Variants in MYO5A observed in about 807,000 individuals in gnomAD.
The protein encoded by MYO5A is unconventional myosin-Va.
Under a neutral mutation model 249.7 loss-of-function variants are expected in MYO5A, and 98 were observed. The ratio of observed to expected loss-of-function variants is 0.39; its 90% confidence interval spans 0.33 to 0.46. The LOEUF is 0.46. MYO5A is among the 20% of genes least tolerant of loss of function. MYO5A has a pLI of 0.98. For synonymous variants in MYO5A, 778 were observed against 810.6 expected (o/e 0.96, Z 0.68); for missense variants, 1,696 against 2,308.8 (o/e 0.73, Z 5.44).
chr15:52,416,555 C>T (rs906453299), intron 4 of MYO5A, among the ~76,000 whole-genome samples: 4 of 151,684 alleles, frequency 2.6e-5, no homozygotes, highest in Admixed American at 2.6e-4. Context: ...TTTAGGTGCA[C>T]CAGCCCAGTC....
At chr15:52,368,399 T>G (rs2040922154) in intron 22 of MYO5A, among the ~76,000 whole-genome samples, 2 of 152,174 alleles carry the variant, frequency 1.3e-5, no homozygotes, top group Non-Finnish European at 2.9e-5. Context: ...CAAAATAATG[T>G]GCCTAGCCCA....
At position 52,313,510 on chromosome 15, in the gene MYO5A, C is replaced by G. The variant is rs1351145147; in HGVS notation, c.*186G>C. 4.0e-6 allele frequency: 3 copies of G among 749,858 alleles called. No individual in the cohort carries two copies. The highest frequency in any genetic ancestry group is 6.5e-6 in the Non-Finnish European group (3 of 459,430). 46.5% of individuals were successfully genotyped at this position (749,858 alleles called of 1,614,324 possible). A position where few individuals can be genotyped will look rare whatever the true frequency, so the allele number is the denominator to read the frequency against. On this transcript the variant is annotated 3_prime_UTR_variant, in exon 42 of 42. Transcript: ENST00000399233. ...GTGTTGCTATAAAGATAACACAGCA[C>G]GAAAGAGCCTATCTTTGTTTCCAAA... is the stretch of plus-strand genomic sequence containing the variant.
intron 1 of MYO5A, among the ~76,000 whole-genome samples, chr15:52,445,038 G>C (rs900776722): frequency 6.6e-6 from 1 of 151,418 alleles, no homozygotes; most frequent in African/African-American, 2.4e-5. Flanking sequence ...CCCAGCTTTG[G>C]GAATCGACAC....
Position 52,408,418 on chromosome 15 carries a change from A to G in MYO5A, c.757-278T>C, listed in dbSNP as rs17707651. On this transcript the variant is annotated intron_variant, in intron 6 of 41. Transcript: ENST00000399233. The stretch of plus-strand genomic sequence containing the variant: ...CTTGATATATGTCAACAATCATAAG[A>G]TAATCAGTGCTTTTGGGGGAAACTA... Among the ~76,000 whole-genome samples, 22,831 of 151,048 alleles carry G rather than the reference A, an allele frequency of 0.15. 1,815 individuals are homozygous for G. Among genetic ancestry groups the G allele is most frequent in the Middle Eastern group, 0.22 (65 of 292 alleles).
chr15:52,468,226 G>C (rs2076390253), intron 1 of MYO5A, among the ~76,000 whole-genome samples: 1 of 152,126 alleles, frequency 6.6e-6, no homozygotes, highest in African/African-American at 2.4e-5. Flanking sequence ...CACCCGAGCT[G>C]GGAAGGCAGA....
At chr15:52,435,680 A>C (rs1307089622) in intron 1 of MYO5A, 3 of 455,114 alleles carry the variant, frequency 6.6e-6, no homozygotes, top group Non-Finnish European at 1.3e-5. Flanking sequence ...TGGCTGGTAA[A>C]ATTTTTTACT....
chr15:52,364,797 A>G (rs2040732038), intron 23 of MYO5A, 95 bp from the exon 24 acceptor site: 1 of 1,457,814 alleles, frequency 6.9e-7, no homozygotes, highest in South Asian at 1.2e-5. Context: ...TCTGTAGGCA[A>G]TTTTACTTTT....
chr15:52,331,726 G>A (rs1471783622), intron 34 of MYO5A: 2 of 985,310 alleles, frequency 2.0e-6, no homozygotes, highest in African/African-American at 3.5e-5. Flanking sequence ...TATGTGGCAT[G>A]GAGCCTGGTG....
intron 3 of MYO5A, among the ~76,000 whole-genome samples, 195 bp from the exon 4 acceptor site, chr15:52,426,169 T>TA (rs1225343074): frequency 2.0e-5 from 3 of 152,192 alleles, no homozygotes; most frequent in Non-Finnish European, 2.9e-5. Context: ...TAGTTCTGCC[T>TA]AAAACACCAT....
chr15:52,406,343 C>A (rs761661074), intron 8 of MYO5A, among the ~76,000 whole-genome samples: 11 of 152,186 alleles, frequency 7.2e-5, no homozygotes, highest in Admixed American at 4.6e-4. Flanking sequence ...CAGCTCACTG[C>A]AAACTTTGTA....
intron 22 of MYO5A, among the ~76,000 whole-genome samples, chr15:52,368,489 T>C (rs7176639): frequency 0.49 from 73,822 of 152,086 alleles, 21,484 homozygotes; most frequent in Non-Finnish European, 0.63. Flanking sequence ...TTAGGAACCA[T>C]ACATAACTCT....
upstream of MYO5A, chr15:52,528,900 C>G (rs375573111): frequency 3.2e-6 from 4 of 1,241,296 alleles, no homozygotes; most frequent in Non-Finnish European, 4.1e-6. Flanking sequence ...CCGCAGCCGC[C>G]GGCAGGGAGC....
At chr15:52,339,707 C>T (rs2039291351) in intron 32 of MYO5A, among the ~76,000 whole-genome samples, 1 of 152,192 alleles carries the variant, frequency 6.6e-6, no homozygotes, top group Non-Finnish European at 1.5e-5. Context: ...CTCCATCCAA[C>T]ATCAACCAAA....
intron 9 of MYO5A, among the ~76,000 whole-genome samples, chr15:52,401,750 TTCTC>T (rs920420236): frequency 4.6e-5 from 7 of 152,324 alleles, no homozygotes; most frequent in East Asian, 1.9e-4. Context: ...GTCTGCTTCA[TTCTC>T]TCTCTTCTCT....
chr15:52,453,805 TATATCTATAAG>T (rs1212914693), intron 1 of MYO5A, among the ~76,000 whole-genome samples: 1 of 152,016 alleles, frequency 6.6e-6, no homozygotes, highest in African/African-American at 2.4e-5. Flanking sequence ...CATAACTTAT[TATATCTATAAG>T]ATGTTTTCTA....
intron 9 of MYO5A, among the ~76,000 whole-genome samples, chr15:52,399,795 T>C (rs940967): frequency 0.21 from 31,735 of 152,094 alleles, 3,678 homozygotes; most frequent in African/African-American, 0.3. Context: ...AGCTGCCAAT[T>C]GGTTGTTTTT....
intron 6 of MYO5A, 121 bp from the exon 7 acceptor site, chr15:52,408,261 TA>T: frequency 1.5e-6 from 1 of 653,794 alleles, no homozygotes; most frequent in Non-Finnish European, 2.7e-6. Context: ...TACTTTCCTA[TA>T]TTTCCTAATA....
intron 16 of MYO5A, among the ~76,000 whole-genome samples, chr15:52,380,470 T>G (rs1361751725): frequency 6.6e-6 from 1 of 151,030 alleles, no homozygotes; most frequent in Non-Finnish European, 1.5e-5. Flanking sequence ...TGAGCACATT[T>G]AAAACAACAC....
Position 52,384,919 on chromosome 15 carries a change from G to T in MYO5A, c.1753-597C>A, listed in dbSNP as rs555494103. ...TTTTTGGAAGATAATTCGGGTTACA[G>T]AAAAAAAAGTTTAAAACCCTACCCA... On this transcript the variant is annotated intron_variant, in intron 14 of 41. Coordinates refer to ENST00000399233, the MANE Select transcript of MYO5A (RefSeq NM_001382347.1). 2.6e-5 allele frequency among the ~76,000 whole-genome samples: 4 copies of T among 151,998 alleles called. No individual in the cohort carries two copies. The South Asian group carries it at 8.3e-4, about 31-fold the overall frequency.
Sources: allele counts gnomAD v4.1 joint callset (sites outside exome capture counted in the v4.1 genomes callset), GRCh38; gene constraint gnomAD v4.1.1; transcripts MANE v1.5; gene names NCBI Gene and HGNC (gene_info 2026-07-23, HGNC 2026-07-21).